Variants in SFI1 observed in about 807,000 individuals in gnomAD.
The protein encoded by SFI1 is protein SFI1 homolog.
In SFI1, 195 loss-of-function variants were observed where a neutral mutation model predicts 207.5. That is an observed-to-expected ratio of 0.94 (90% CI 0.84 to 1.06). The LOEUF is 1.06. Among genes scored for constraint, SFI1 ranks in the 50% least tolerant of loss-of-function variants. The pLI is 0.00. For missense variants in SFI1, 1,634 were observed against 1,588.0 expected (o/e 1.03, Z -0.49); for synonymous variants, 630 against 598.9 (o/e 1.05, Z -0.76).
intron 1 of SFI1, among the ~76,000 whole-genome samples, chr22:31,497,662 G>A (rs1396793004): frequency 1.5e-4 from 2 of 13,554 alleles, no homozygotes; most frequent in Non-Finnish European, 4.2e-4. Flanking sequence ...TCAAAAGCTA[G>A]AAATGACGAA....
At chr22:31,594,490 G>A (rs1243816484) in intron 15 of SFI1, among the ~76,000 whole-genome samples, 1 of 147,336 alleles carries the variant, frequency 6.8e-6, no homozygotes, top group Non-Finnish European at 1.5e-5. Flanking sequence ...GGAGGTTGCC[G>A]TGAGCTGAGA....
chr22:31,616,616 C>T (rs2071538300), intron 29 of SFI1, 129 bp from the exon 30 acceptor site: 3 of 1,018,724 alleles, frequency 2.9e-6, no homozygotes, highest in Non-Finnish European at 2.8e-6. Context: ...CTGGGAAGCC[C>T]AGCTCCTGCA....
At chr22:31,536,881 G>GT (rs2059039877) in intron 4 of SFI1, among the ~76,000 whole-genome samples, 1 of 150,428 alleles carries the variant, frequency 6.6e-6, no homozygotes, top group Admixed American at 6.6e-5. Flanking sequence ...ATTGAGATTT[G>GT]TTTTTTCTGT....
At chr22:31,548,089 A>AG (rs1332472128) in intron 5 of SFI1, among the ~76,000 whole-genome samples, 1 of 151,816 alleles carries the variant, frequency 6.6e-6, no homozygotes, top group Non-Finnish European at 1.5e-5. Context: ...GCGTGGTGGC[A>AG]GGCGCCTGTA....
intron 8 of SFI1, 38 bp from the exon 9 acceptor site, chr22:31,573,020 G>A (rs1215014511): frequency 6.2e-7 from 1 of 1,600,500 alleles, no homozygotes; most frequent in East Asian, 2.2e-5. Flanking sequence ...CTGTTTTCCT[G>A]CCTCTCCTTT....
chr22:31,525,970 A>ATG (rs1394075046), intron 2 of SFI1, among the ~76,000 whole-genome samples: 1 of 151,990 alleles, frequency 6.6e-6, no homozygotes, highest in East Asian at 1.9e-4. Context: ...AATTTTTAAG[A>ATG]TGTTTTTCCT....
chr22:31,531,825 G>A (rs951660807), intron 4 of SFI1, among the ~76,000 whole-genome samples: 10 of 150,366 alleles, frequency 6.7e-5, no homozygotes, highest in Admixed American at 4.0e-4. Flanking sequence ...CCCTGGAGGC[G>A]GAGGTTGCGA....
intron 4 of SFI1, among the ~76,000 whole-genome samples, chr22:31,534,849 T>A (rs911966617): frequency 5.3e-5 from 8 of 152,002 alleles, no homozygotes; most frequent in African/African-American, 1.4e-4. Flanking sequence ...GCTCCTTATC[T>A]TCTTTCCTCA....
At chr22:31,584,566 T>G (rs1482314073) in intron 13 of SFI1, among the ~76,000 whole-genome samples, 2 of 152,170 alleles carry the variant, frequency 1.3e-5, no homozygotes, top group East Asian at 3.8e-4. Flanking sequence ...CCTCCTTTTT[T>G]CCTCTCCCCA....
chr22:31,509,525 C>T (rs761223197), intron 2 of SFI1, among the ~76,000 whole-genome samples: 10 of 152,202 alleles, frequency 6.6e-5, no homozygotes, highest in Non-Finnish European at 5.9e-5. Flanking sequence ...TCAGCTTCTC[C>T]TACCTTCTGC....
intron 31 of SFI1, among the ~76,000 whole-genome samples, chr22:31,617,427 G>T (rs558948018): frequency 4.6e-5 from 7 of 152,174 alleles, no homozygotes; most frequent in Non-Finnish European, 8.8e-5. Flanking sequence ...TGATATTAAA[G>T]GTGCAGAGAA....
chr22:31,505,491 C>T lies in SFI1; in HGVS notation c.-30-2764C>T, dbSNP rs143123796. On this transcript the variant is annotated intron_variant, in intron 1 of 32. Transcript: ENST00000400288. ...GAAAACTAGGCAAGGTGCAGTGGTG[C>T]CTGTCTGTAGTCCCAGCTACTTGGG... Among the ~76,000 whole-genome samples, 35 of 151,794 alleles carry T rather than the reference C, an allele frequency of 2.3e-4. No homozygotes were observed. The East Asian group carries it at 5.4e-3, about 24-fold the overall frequency.
rs752783219 is a variant in SFI1 at position 31,617,046 on chromosome 22, A to C, written c.3480A>C (p.Leu1160=). ...EAELEEIQQQ[L]LHYQTTKQNL... ...AACTTGAGGAGATCCAGCAGCAACT[A>C]CTGCACTACCAGACCACCAAGCAGA... is the stretch of plus-strand genomic sequence containing the variant. Residue 1160 remains leucine (L), a synonymous_variant, in exon 31 of 33, where the codon CTA becomes CTC. Transcript: ENST00000400288. 6.2e-7 allele frequency: 1 copy of C among 1,614,032 alleles called. No individual in the cohort carries two copies. Among genetic ancestry groups the C allele is most frequent in the East Asian group, 2.2e-5 (1 of 44,872 alleles).
intron 8 of SFI1, among the ~76,000 whole-genome samples, chr22:31,565,473 G>T (rs929165310): frequency 6.7e-6 from 1 of 149,384 alleles, no homozygotes; most frequent in Non-Finnish European, 1.5e-5. Context: ...AAAATAAGAG[G>T]ATCACTTGAG....
chr22:31,502,805 T>G lies in SFI1; in HGVS notation c.-30-5450T>G, dbSNP rs144850335. Among the ~76,000 whole-genome samples, 37 of 152,194 alleles carry G rather than the reference T, an allele frequency of 2.4e-4. No homozygotes were observed. The East Asian group carries it at 6.0e-3, about 25-fold the overall frequency. The stretch of plus-strand genomic sequence containing the variant: ...GTTTTATGATTCTCAATTGTCTGTT[T>G]ATACTTAAGTGTAACTGAGAGATTA... On this transcript the variant is annotated intron_variant, in intron 1 of 32. Transcript: ENST00000400288.
Position 31,561,305 on chromosome 22 carries a change from G to T in SFI1, c.678G>T (p.Thr226=). 1 of 1,614,022 alleles carries T rather than the reference G, an allele frequency of 6.2e-7. No individual in the cohort carries two copies. The highest frequency in any genetic ancestry group is 8.5e-7 in the Non-Finnish European group (1 of 1,179,958). ...TGTTTCACAGGGTGTGGTGGAGCAC[G>T]TGGAGGCAGCGACTAGGACAGGTCC... ...QRIILRVWWS[T]WRQRLGQVRV... Residue 226 remains threonine, a synonymous_variant, in exon 8 of 33, where the codon ACG becomes ACT. Coordinates refer to ENST00000400288, the MANE Select transcript of SFI1 (RefSeq NM_001007467.3).
At chr22:31,550,119 G>C (rs1193073288) in intron 5 of SFI1, 135 bp from the exon 6 acceptor site, 4 of 577,580 alleles carry the variant, frequency 6.9e-6, no homozygotes, top group Non-Finnish European at 1.2e-5. Flanking sequence ...AGTTGAGATG[G>C]GGTTTCACCA....
chr22:31,615,018 T>C (rs754824145), intron 28 of SFI1, 30 bp from the exon 29 acceptor site: 1 of 1,607,736 alleles, frequency 6.2e-7, no homozygotes, highest in Non-Finnish European at 8.5e-7. Context: ...TCCTGTGGCC[T>C]GACCAGGCTC....
chr22:31,616,721 C>T (rs2071585456), intron 29 of SFI1, 24 bp from the exon 30 acceptor site: 2 of 1,521,048 alleles, frequency 1.3e-6, no homozygotes, highest in Admixed American at 2.3e-5. Context: ...CCTTGCTCAG[C>T]ATCTACCCTT....
Sources: gnomAD v4.1 joint callset for allele counts (sites outside exome capture counted in the v4.1 genomes callset) on GRCh38, gnomAD v4.1.1 for gene constraint, MANE v1.5 for transcripts, NCBI Gene and HGNC (gene_info 2026-07-23, HGNC 2026-07-21) for gene names.